Variants in WWOX observed in about 807,000 individuals in gnomAD.
The protein encoded by WWOX is WW domain-containing oxidoreductase.
In WWOX, 69 loss-of-function variants were observed where a neutral mutation model predicts 46.2. The ratio of observed to expected loss-of-function variants is 1.49; its 90% confidence interval spans 1.23 to 1.82. The LOEUF is 1.82. Ranked by LOEUF, WWOX falls within the 40% of genes most tolerant of loss-of-function variation. WWOX has a pLI of 0.00. For missense variants in WWOX, 919 were observed against 542.6 expected (o/e 1.69, Z -6.89); for synonymous variants, 359 against 202.6 (o/e 1.77, Z -6.56).
Position 78,279,827 on chromosome 16 carries a change from A to G in WWOX, c.517-107033A>G, listed in dbSNP as rs1198674536. On this transcript the variant is annotated intron_variant, in intron 5 of 8. Transcript: ENST00000566780. ...TAACCCTCCTGCCCAACCTGAGATG[A>G]AGTATCAGGGGATGCAGTATGGATG... is the stretch of plus-strand genomic sequence containing the variant. 2.0e-5 allele frequency among the ~76,000 whole-genome samples: 3 copies of G among 152,230 alleles called. No individual in the cohort carries two copies. The East Asian group carries it at 5.8e-4, about 29-fold the overall frequency.
At chr16:78,987,022 G>T (rs2046796874) in intron 8 of WWOX, among the ~76,000 whole-genome samples, 1 of 152,190 alleles carries the variant, frequency 6.6e-6, no homozygotes, top group South Asian at 2.1e-4. Flanking sequence ...GAGGAGGCTG[G>T]CTGGGGAAAT....
chr16:78,505,995 G>A (rs1052221321), intron 8 of WWOX, among the ~76,000 whole-genome samples: 3 of 152,184 alleles, frequency 2.0e-5, no homozygotes, highest in Non-Finnish European at 4.4e-5. Context: ...CCGGCAAGAA[G>A]ACACACCATT....
At chr16:78,662,947 G>T (rs911263107) in intron 8 of WWOX, among the ~76,000 whole-genome samples, 1 of 152,106 alleles carries the variant, frequency 6.6e-6, no homozygotes, top group East Asian at 1.9e-4. Flanking sequence ...CCGCAGCCAG[G>T]GTGTTTTTTT....
chr16:79,173,243 G>A (rs567872663), intron 8 of WWOX, among the ~76,000 whole-genome samples: 3 of 152,160 alleles, frequency 2.0e-5, no homozygotes, highest in Admixed American at 1.3e-4. Flanking sequence ...CTCCTGAGGG[G>A]TGTGAGAGTG....
chr16:78,548,047 C>G (rs1232376961), intron 8 of WWOX, among the ~76,000 whole-genome samples: 1 of 151,174 alleles, frequency 6.6e-6, no homozygotes, highest in Non-Finnish European at 1.5e-5. Context: ...CTCAGGTACT[C>G]CAGAGGCTGA....
chr16:78,332,995 C>G (rs560095845), intron 5 of WWOX, among the ~76,000 whole-genome samples: 1 of 148,142 alleles, frequency 6.8e-6, no homozygotes, highest in Admixed American at 6.9e-5. Flanking sequence ...ATCTTTTTAA[C>G]CAAGATTCTT....
At chr16:78,665,186 G>C (rs1407749561) in intron 8 of WWOX, among the ~76,000 whole-genome samples, 2 of 152,068 alleles carry the variant, frequency 1.3e-5, no homozygotes, top group African/African-American at 4.8e-5. Context: ...TGTGATGACG[G>C]GCAACAGATT....
intron 8 of WWOX, among the ~76,000 whole-genome samples, chr16:78,767,583 C>G (rs2049954778): frequency 2.0e-5 from 3 of 151,902 alleles, no homozygotes; most frequent in Non-Finnish European, 4.4e-5. Flanking sequence ...GCATGTATAC[C>G]TAGGAGTGAA....
intron 5 of WWOX, among the ~76,000 whole-genome samples, chr16:78,184,929 A>C (rs1391966749): frequency 1.3e-5 from 2 of 152,182 alleles, no homozygotes; most frequent in African/African-American, 4.8e-5. Flanking sequence ...TTCTTGCTCA[A>C]ACTGTATTTT....
chr16:78,672,659 C>G (rs1348728983), intron 8 of WWOX, among the ~76,000 whole-genome samples: 1 of 152,176 alleles, frequency 6.6e-6, no homozygotes, highest in South Asian at 2.1e-4. Context: ...TGAAAAGATA[C>G]TTAAATAAAA....
At chr16:78,105,221 G>C (rs2032064587) in intron 1 of WWOX, among the ~76,000 whole-genome samples, 1 of 152,208 alleles carries the variant, frequency 6.6e-6, no homozygotes, top group South Asian at 2.1e-4. Context: ...CAGCACTTTG[G>C]GAGGCCGAGG....
chr16:78,355,799 A>G (rs2081273371), intron 5 of WWOX: 1 of 724,456 alleles, frequency 1.4e-6, no homozygotes, highest in Non-Finnish European at 2.4e-6. Context: ...GGGAGATGGC[A>G]TTTTCCTGGT....
intron 8 of WWOX, among the ~76,000 whole-genome samples, chr16:78,567,552 CA>C (rs71272440): frequency 0.04 from 2,110 of 52,104 alleles, 10 homozygotes; most frequent in Middle Eastern, 0.057. Context: ...GACTCCGTCT[CA>C]AAAAAAAAAA....
intron 8 of WWOX, among the ~76,000 whole-genome samples, chr16:78,594,648 C>G (rs868838475): frequency 2.0e-5 from 3 of 152,066 alleles, no homozygotes; most frequent in African/African-American, 7.2e-5. Context: ...TGCAGTGGCT[C>G]TGTATTTCTC....
intron 8 of WWOX, among the ~76,000 whole-genome samples, chr16:79,006,108 G>C (rs1051063727): frequency 6.6e-6 from 1 of 152,200 alleles, no homozygotes; most frequent in Non-Finnish European, 1.5e-5. Flanking sequence ...TGGTCCAGTG[G>C]GGTGAGGGTG....
Position 78,099,801 on chromosome 16 carries a change from G to A in WWOX, c.23G>A (p.Gly8Glu). Residue 8 changes from glycine to glutamate, a missense_variant, in exon 1 of 9, where the codon GGG becomes GAG. Gly to Glu is a moderately conservative substitution (Grantham distance 98, BLOSUM62 -2). Transcript: ENST00000566780. Reference sequence around the variant, plus strand: ...GCCATGGCAGCGCTGCGCTACGCGGGGCTGGACGACACGGACAGTGAGGAC... The same window carrying A: ...GCCATGGCAGCGCTGCGCTACGCGGAGCTGGACGACACGGACAGTGAGGAC... Reference protein sequence around the residue: MAALRYAGLDDTDSEDEL... With the variant: MAALRYAELDDTDSEDEL... 1 of 1,571,410 alleles carries A rather than the reference G, an allele frequency of 6.4e-7. No individual in the cohort carries two copies. The highest frequency in any genetic ancestry group is 8.6e-7 in the Non-Finnish European group (1 of 1,160,090).
intron 8 of WWOX, among the ~76,000 whole-genome samples, chr16:79,107,897 C>T (rs1229191585): frequency 6.6e-6 from 1 of 152,106 alleles, no homozygotes; most frequent in Non-Finnish European, 1.5e-5. Context: ...AGTGTCATAA[C>T]TGGGGATTTT....
At chr16:78,950,200 C>G (rs12927476) in intron 8 of WWOX, among the ~76,000 whole-genome samples, 18,087 of 152,198 alleles carry the variant, frequency 0.12, 1,169 homozygotes, top group African/African-American at 0.14. Flanking sequence ...TCTAATCCAT[C>G]CTTTTCCAAT....
At chr16:78,342,257 A>G (rs2081029836) in intron 5 of WWOX, among the ~76,000 whole-genome samples, 1 of 121,162 alleles carries the variant, frequency 8.3e-6, no homozygotes, top group South Asian at 2.5e-4. Flanking sequence ...ACAACTTGCA[A>G]CGTCTCATTA....
Sources: allele counts gnomAD v4.1 joint callset (sites outside exome capture counted in the v4.1 genomes callset), GRCh38; gene constraint gnomAD v4.1.1; transcripts MANE v1.5; gene names NCBI Gene and HGNC (gene_info 2026-07-23, HGNC 2026-07-21).